The following RIGI variants were observed in gnomAD, a reference collection of about 807,000 sequenced individuals.
The protein encoded by RIGI is antiviral innate immune response receptor RIG-I.
At chr9:32,459,953 G>T in the RIGI span, among the ~76,000 whole-genome samples, 8 of 152,226 alleles carry the variant, frequency 5.3e-5, no homozygotes, top group African/African-American at 1.9e-4. Context: ...ATATGGTTTG[G>T]CTGTGTCCTC....
At chr9:32,481,649 G>A in the RIGI span, 6 of 593,960 alleles carry the variant, frequency 1.0e-5, no homozygotes, top group East Asian at 3.0e-5. Flanking sequence ...ACAATGGCAC[G>A]ATCTTGGCTC....
chr9:32,508,335 T>TCTG, the RIGI span, among the ~76,000 whole-genome samples: 1 of 142,056 alleles, frequency 7.0e-6, no homozygotes, highest in African/African-American at 2.7e-5. Flanking sequence ...ACAGCTCCGG[T>TCTG]CTGCAGCTCA....
At chr9:32,462,368 CAAATTT>C in the RIGI span, among the ~76,000 whole-genome samples, 1 of 143,268 alleles carries the variant, frequency 7.0e-6, no homozygotes. Context: ...ACTTCAAATT[CAAATTT>C]GCTTTATATA....
chr9:32,466,554 C>T, the RIGI span: 1 of 929,166 alleles, frequency 1.1e-6, no homozygotes, highest in Admixed American at 2.9e-5. Flanking sequence ...TTCACTGAAT[C>T]CCACTTCCCA....
chr9:32,481,600 C>G, the RIGI span: 1 of 842,702 alleles, frequency 1.2e-6, no homozygotes. Flanking sequence ...TTTTTTTTTT[C>G]CTCGAGGCAG....
At chr9:32,470,169 T>TA in the RIGI span, among the ~76,000 whole-genome samples, 1 of 152,208 alleles carries the variant, frequency 6.6e-6, no homozygotes, top group Admixed American at 6.5e-5. Flanking sequence ...GTATTCTCAG[T>TA]AAAACCAAAA....
the RIGI span, chr9:32,455,655 C>T: frequency 5.3e-5 from 8 of 151,836 alleles, no homozygotes; most frequent in Admixed American, 2.0e-4. Context: ...TAAGAAAAGA[C>T]ACTCTTAATA....
the RIGI span, chr9:32,457,106 G>T: frequency 1.9e-6 from 3 of 1,602,016 alleles, no homozygotes; most frequent in Admixed American, 1.7e-5. Context: ...TGTAGCTGAA[G>T]ATTGAGGACC....
At chr9:32,492,548 G>A in the RIGI span, 4 of 1,613,390 alleles carry the variant, frequency 2.5e-6, no homozygotes, top group African/African-American at 2.7e-5. Flanking sequence ...TCTAAGCAAG[G>A]TAACTGTAGT....
the RIGI span, among the ~76,000 whole-genome samples, chr9:32,509,363 C>G: frequency 6.6e-6 from 1 of 152,172 alleles, no homozygotes; most frequent in Admixed American, 6.5e-5. Context: ...CAGCTGGCAT[C>G]TGGCAGGTGC....
At chr9:32,462,207 T>G in the RIGI span, among the ~76,000 whole-genome samples, 1 of 152,108 alleles carries the variant, frequency 6.6e-6, no homozygotes, top group Non-Finnish European at 1.5e-5. Flanking sequence ...AGCCTATTGA[T>G]GTAAGTAAAG....
the RIGI span, among the ~76,000 whole-genome samples, chr9:32,455,455 A>ACTT: frequency 2.0e-5 from 3 of 152,110 alleles, no homozygotes; most frequent in Non-Finnish European, 4.4e-5. Context: ...ATTGTCAAAC[A>ACTT]CTTATAAAAC....
the RIGI span, chr9:32,492,575 TC>T: frequency 6.2e-7 from 1 of 1,609,974 alleles, no homozygotes; most frequent in East Asian, 2.2e-5. Context: ...ATCAATTATC[TC>T]AAAAGTTTTC....
At chr9:32,507,677 G>A in the RIGI span, among the ~76,000 whole-genome samples, 3 of 151,596 alleles carry the variant, frequency 2.0e-5, no homozygotes, top group Non-Finnish European at 2.9e-5. Flanking sequence ...ACAGGGTCTT[G>A]TTCCATTGCC....
the RIGI span, among the ~76,000 whole-genome samples, chr9:32,513,638 T>C: frequency 6.6e-6 from 1 of 152,160 alleles, no homozygotes; most frequent in Admixed American, 6.6e-5. Flanking sequence ...GAAGAAAACC[T>C]AGGCAATACC....
At chr9:32,461,316 CAG>C in the RIGI span, among the ~76,000 whole-genome samples, 1 of 152,144 alleles carries the variant, frequency 6.6e-6, no homozygotes, top group Non-Finnish European at 1.5e-5. Flanking sequence ...GTTTTCTAAA[CAG>C]AGGAAATGAT....
chr9:32,502,314 C>T, the RIGI span, among the ~76,000 whole-genome samples: 1 of 152,180 alleles, frequency 6.6e-6, no homozygotes, highest in African/African-American at 2.4e-5. Flanking sequence ...ATGCTATGAA[C>T]ATTCATGAGC....
chr9:32,470,325 T>G, the RIGI span, among the ~76,000 whole-genome samples: 5 of 152,238 alleles, frequency 3.3e-5, no homozygotes, highest in African/African-American at 1.2e-4. Context: ...AAGGGCTAGA[T>G]GTATAGTAAA....
At chr9:32,520,638 G>T in the RIGI span, among the ~76,000 whole-genome samples, 11 of 152,108 alleles carry the variant, frequency 7.2e-5, no homozygotes, top group Admixed American at 3.9e-4. Flanking sequence ...GAGCTTGTAA[G>T]GGCTGATTTT....
Sources: allele counts gnomAD v4.1 joint callset (sites outside exome capture counted in the v4.1 genomes callset), GRCh38; gene constraint gnomAD v4.1.1; transcripts MANE v1.5; gene names NCBI Gene and HGNC (gene_info 2026-07-23, HGNC 2026-07-21).